Variants in EGFL6 observed in about 807,000 individuals in gnomAD.
EGFL6 encodes epidermal growth factor-like protein 6.
A neutral mutation model predicts 43.1 loss-of-function variants in EGFL6; 42 were observed. The ratio of observed to expected loss-of-function variants is 0.98; its 90% CI spans 0.76 to 1.26. EGFL6 has a LOEUF of 1.26. EGFL6 is among the 50% of genes most tolerant of loss of function. The probability of loss-of-function intolerance (pLI) is 0.00; values close to 1 mark genes in which losing one functional copy is unlikely to be tolerated. For synonymous variants in EGFL6, 164 were observed against 163.2 expected (o/e 1.01, Z -0.04); for missense variants, 429 against 427.8 (o/e 1.00, Z -0.02).
At chrX:13,578,926 A>AAAAT (rs780769931) in intron 1 of EGFL6, among the ~76,000 whole-genome samples, 96 of 111,765 alleles carry the variant, frequency 8.6e-4, no homozygotes, top group African/African-American at 2.5e-3. Flanking sequence ...AAGTATAATA[A>AAAAT]AAATAAATAA....
intron 7 of EGFL6, among the ~76,000 whole-genome samples, chrX:13,616,385 G>A (rs1428097712): frequency 9.0e-6 from 1 of 111,730 alleles, no homozygotes; most frequent in Non-Finnish European, 1.9e-5. Context: ...CGAGGTGGGT[G>A]GATCACCCGA....
At position 13,617,945 on chromosome X, in the gene EGFL6, A is replaced by T. The variant is rs1218578063; in HGVS notation, c.994A>T (p.Lys332Ter). The change falls in exon 8 of 12, where the codon AAA becomes TAA. Residue 332 changes from lysine (K) to a stop codon, truncating the protein, a stop_gained. Transcript: ENST00000361306. LOFTEE classifies it high-confidence loss of function. ...VSRGGNSHGG[K>*]KGNEEKMKEG... is the part of the protein sequence containing the mutation. ...CAGAGGCGGGAACTCTCATGGAGGTAAAAAAGGGAATGAAGAGAAAATGAA... is the reference window on the plus strand; with the variant it reads ...CAGAGGCGGGAACTCTCATGGAGGTTAAAAAGGGAATGAAGAGAAAATGAA... 1.7e-6 allele frequency: 2 copies of T among 1,211,598 alleles called. No individual in the cohort carries two copies. The highest frequency in any genetic ancestry group is 2.2e-6 in the Non-Finnish European group (2 of 895,147).
chrX:13,593,089 A>G (rs2045574853), intron 2 of EGFL6, among the ~76,000 whole-genome samples: 2 of 109,255 alleles, frequency 1.8e-5, no homozygotes, highest in South Asian at 4.1e-4. Context: ...TAATTTTTGT[A>G]TTTTTAGTAG....
chrX:13,570,043 C>T lies in EGFL6; in HGVS notation c.74+108C>T, dbSNP rs1415951352. 4 of 745,742 alleles carry T rather than the reference C, an allele frequency of 5.4e-6. No homozygotes were observed. The African/African-American group carries it at 8.3e-5, about 15-fold the overall frequency. 61.5% of individuals were successfully genotyped at this position (745,742 alleles called of 1,213,427 possible). ...CCGCGTGTATGGGTGTGAGTGTGCA[C>T]GTGTGCCTGTGCGCGCTGCGACGGG... On this transcript the variant is annotated intron_variant, in intron 1 of 11. Coordinates refer to ENST00000361306, the MANE Select transcript of EGFL6 (RefSeq NM_015507.4).
intron 1 of EGFL6, among the ~76,000 whole-genome samples, chrX:13,582,524 A>T (rs1398391964): frequency 1.8e-5 from 2 of 111,348 alleles, no homozygotes; most frequent in Admixed American, 1.9e-4. Context: ...TTATTAACAA[A>T]GTTAATAAAT....
intron 11 of EGFL6, among the ~76,000 whole-genome samples, 172 bp downstream of exon 11, chrX:13,627,448 C>T (rs900236812): frequency 1.8e-5 from 2 of 112,080 alleles, no homozygotes; most frequent in Non-Finnish European, 3.8e-5. Context: ...GATTAATCGG[C>T]ACAACTCATG....
At chrX:13,602,813 C>A (rs1170206797) in intron 4 of EGFL6, among the ~76,000 whole-genome samples, 8 of 112,237 alleles carry the variant, frequency 7.1e-5, no homozygotes, top group African/African-American at 2.6e-4. Flanking sequence ...TTTCAGATAG[C>A]TGATCAGCTA....
chrX:13,630,876 T>C (rs1309148762), intron 11 of EGFL6, among the ~76,000 whole-genome samples: 1 of 112,553 alleles, frequency 8.9e-6, no homozygotes, highest in Non-Finnish European at 1.9e-5. Context: ...CATGATGGCA[T>C]TGTTGTGAGC....
intron 6 of EGFL6, among the ~76,000 whole-genome samples, chrX:13,607,182 TG>T: frequency 9.0e-6 from 1 of 111,616 alleles, no homozygotes; most frequent in Middle Eastern, 4.7e-3. Flanking sequence ...GTGGGGTATT[TG>T]GGGAGACCTT....
At chrX:13,599,213 G>A (rs964907127) in intron 3 of EGFL6, among the ~76,000 whole-genome samples, 2 of 110,790 alleles carry the variant, frequency 1.8e-5, no homozygotes, top group Non-Finnish European at 3.8e-5. Flanking sequence ...CTAAATTATT[G>A]TTCAAGTAGT....
intron 9 of EGFL6, among the ~76,000 whole-genome samples, chrX:13,622,026 A>G (rs1046369489): frequency 8.9e-6 from 1 of 112,482 alleles, no homozygotes; most frequent in Non-Finnish European, 1.9e-5. Context: ...CCACAATTGT[A>G]AACCAACTGA....
At chrX:13,591,793 GCCTCTACCCTGTCTAAATCTCCT>G (rs2045564668) in intron 2 of EGFL6, among the ~76,000 whole-genome samples, 1 of 110,930 alleles carries the variant, frequency 9.0e-6, no homozygotes, top group South Asian at 3.9e-4. Flanking sequence ...CTAGCTCTCA[GCCTCTACCCTGTCTAAATCTCCT>G]CCCAAGGCAG....
intron 6 of EGFL6, among the ~76,000 whole-genome samples, chrX:13,607,934 G>A (rs4017224): frequency 0.033 from 3,711 of 112,178 alleles, 148 homozygotes; most frequent in African/African-American, 0.11. Flanking sequence ...TGATGTCAAC[G>A]GTTCCTAGTT....
At chrX:13,597,756 C>T (rs919078651) in intron 3 of EGFL6, among the ~76,000 whole-genome samples, 2 of 109,985 alleles carry the variant, frequency 1.8e-5, no homozygotes, top group African/African-American at 6.7e-5. Context: ...TGCACTGCAG[C>T]CTGGGCAACA....
rs1331464067 is a variant in EGFL6, at chrX:13,620,084, CAA to C, written c.1183+843_1183+844del. Among the ~76,000 whole-genome samples the C allele has an allele frequency of 3.6e-5, 4 of 112,011 alleles. No homozygotes were observed. In the Admixed American group the frequency reaches 3.8e-4, roughly 11 times the overall value. ...TTGTGGAAGGAGCTGTGAAGTCATA[CAA>C]AGAGTGTGGATACAGAGAGGGATAA... On this transcript the variant is annotated intron_variant, in intron 9 of 11. Transcript: ENST00000361306.
chrX:13,579,060 G>A (rs150806717), intron 1 of EGFL6, among the ~76,000 whole-genome samples: 1,804 of 110,722 alleles, frequency 0.016, 37 homozygotes, highest in African/African-American at 0.056. Context: ...CATTTTTTAG[G>A]GCAGTTTTAG....
chrX:13,612,454 C>T (rs1315586847), intron 7 of EGFL6, among the ~76,000 whole-genome samples: 1 of 110,036 alleles, frequency 9.1e-6, no homozygotes, highest in Non-Finnish European at 1.9e-5. Flanking sequence ...TCTTTCTACA[C>T]AGACACAGTA....
At chrX:13,575,417 G>C (rs1484391652) in intron 1 of EGFL6, among the ~76,000 whole-genome samples, 1 of 111,768 alleles carries the variant, frequency 8.9e-6, no homozygotes, top group Non-Finnish European at 1.9e-5. Context: ...AAGCCAAAAA[G>C]AGGAGATTAG....
chrX:13,628,511 A>G (rs986145275), intron 11 of EGFL6, among the ~76,000 whole-genome samples: 1 of 111,044 alleles, frequency 9.0e-6, no homozygotes, highest in Non-Finnish European at 1.9e-5. Context: ...TGTGGACGTT[A>G]TAAAGAGTTT....
Sources: allele counts gnomAD v4.1 joint callset (sites outside exome capture counted in the v4.1 genomes callset), GRCh38; gene constraint gnomAD v4.1.1; transcripts MANE v1.5; gene names NCBI Gene and HGNC (gene_info 2026-07-23, HGNC 2026-07-21).